DNM1L: variants seen among roughly 807,000 people sequenced by gnomAD.
The protein encoded by DNM1L is dynamin 1L, also known as dynamin-1-like protein.
In DNM1L, 33 loss-of-function variants were observed where a neutral mutation model predicts 92.8. The ratio of observed to expected loss-of-function variants is 0.36; its 90% confidence interval spans 0.27 to 0.48. The LOEUF is 0.48. Among genes scored for constraint, DNM1L ranks in the 20% least tolerant of loss-of-function variants. The pLI is 0.99. For missense variants in DNM1L, 485 were observed against 888.8 expected, an observed-to-expected ratio of 0.55 and a Z score of 5.78; for synonymous variants, 284 against 305.0, an observed-to-expected ratio of 0.93 and a Z score of 0.72.
At chr12:32,698,251 C>G (rs886074678) in intron 1 of DNM1L, among the ~76,000 whole-genome samples, 9 of 152,180 alleles carry the variant, frequency 5.9e-5, no homozygotes, top group African/African-American at 2.2e-4. Flanking sequence ...GAATGAGCCC[C>G]TATGTCGTCT....
chr12:32,699,427 C>CT (rs1952607032), intron 1 of DNM1L, among the ~76,000 whole-genome samples: 1 of 151,970 alleles, frequency 6.6e-6, no homozygotes, highest in South Asian at 2.1e-4. Context: ...AAGCAGATCA[C>CT]TAAAGGAGAA....
At chr12:32,717,864 T>C (rs1449699079) in intron 6 of DNM1L, among the ~76,000 whole-genome samples, 1 of 113,066 alleles carries the variant, frequency 8.8e-6, no homozygotes, top group South Asian at 2.4e-4. Context: ...ATATACTATA[T>C]ATAGTATATA....
chr12:32,693,918 C>T (rs555759859), intron 1 of DNM1L, among the ~76,000 whole-genome samples: 1 of 152,266 alleles, frequency 6.6e-6, no homozygotes, highest in African/African-American at 2.4e-5. Context: ...GGGTTACAGG[C>T]ATGTGCCACC....
chr12:32,744,452 G>C lies in DNM1L; in HGVS notation c.*1042G>C, dbSNP rs1287898774. The C allele has an allele frequency of 1.8e-5, 3 of 165,780 alleles. No individual in the cohort carries two copies. Among genetic ancestry groups the C allele is most frequent in the Non-Finnish European group, 2.6e-5 (2 of 77,770 alleles). 10.3% of individuals were successfully genotyped at this position (165,780 alleles called of 1,614,324 possible). A position where few individuals can be genotyped will look rare whatever the true frequency, so the allele number is the denominator to read the frequency against. ...CCCAAGGCTGGGCGTGGTGGCACAC[G>C]CCTGTAATCCCAGCACTTTGGGAGG... On this transcript the variant is annotated 3_prime_UTR_variant, in exon 20 of 20. Transcript: ENST00000549701.
rs771196253 is a variant in DNM1L at position 32,731,919 on chromosome 12, A to G, written c.1422A>G (p.Lys474=). 2.5e-6 allele frequency: 4 copies of G among 1,613,556 alleles called. No homozygotes were observed. The highest frequency in any genetic ancestry group is 3.4e-6 in the Non-Finnish European group (4 of 1,179,638). Residue 474 remains lysine, a synonymous_variant, in exon 12 of 20, where the codon AAA becomes AAG. Transcript: ENST00000549701. The surrounding 1 kb of genome is among the most constrained non-coding windows in gnomAD (Gnocchi z 5.1). ...IVEVVTCLLR[K]RLPVTNEMVH... is the part of the protein sequence containing the mutation. The stretch of plus-strand genomic sequence containing the variant: ...AAGTGGTGACTTGTCTTCTTCGTAA[A>G]AGGTTGCCTGTTACAAATGAAATGG...
chr12:32,718,543 G>A (rs375323606), intron 6 of DNM1L, 100 bp from the exon 7 acceptor site: 9 of 1,457,072 alleles, frequency 6.2e-6, no homozygotes, highest in African/African-American at 1.4e-5. Context: ...TACTAAGTGG[G>A]ATTGTAGATG....
At chr12:32,741,655 A>G (rs973558132) in intron 18 of DNM1L, among the ~76,000 whole-genome samples, 1 of 152,228 alleles carries the variant, frequency 6.6e-6, no homozygotes, top group African/African-American at 2.4e-5. Context: ...ATAACATTTT[A>G]GTCAACAGAC....
chr12:32,742,884 G>C, intron 19 of DNM1L, 136 bp downstream of exon 19: 53 of 387,278 alleles, frequency 1.4e-4, no homozygotes, highest in Non-Finnish European at 2.2e-4. Context: ...TACTTGATAA[G>C]AATCTTTTTT....
At chr12:32,680,002 G>C (rs765342682) in intron 1 of DNM1L, 12 of 985,504 alleles carry the variant, frequency 1.2e-5, no homozygotes, top group Non-Finnish European at 1.3e-5. Flanking sequence ...GTGAGCGCCA[G>C]TGTTTTCCTG....
chr12:32,739,582 A>C (rs889947956), intron 16 of DNM1L, among the ~76,000 whole-genome samples: 16 of 152,236 alleles, frequency 1.1e-4, no homozygotes, highest in Admixed American at 1.3e-4. Context: ...TGACTATTAG[A>C]AATGTAAATT....
intron 9 of DNM1L, among the ~76,000 whole-genome samples, chr12:32,723,678 A>C: frequency 6.9e-6 from 1 of 145,816 alleles, no homozygotes; most frequent in East Asian, 2.1e-4. Context: ...TGGGCAACAG[A>C]GCAAGACTCT....
intron 1 of DNM1L, among the ~76,000 whole-genome samples, chr12:32,699,529 G>C (rs868096565): frequency 6.6e-6 from 1 of 152,068 alleles, no homozygotes; most frequent in African/African-American, 2.4e-5. Flanking sequence ...TATCAAAGTA[G>C]CAAAGATTCA....
chr12:32,723,764 C>T (rs1177379904), intron 9 of DNM1L, among the ~76,000 whole-genome samples: 8 of 144,134 alleles, frequency 5.6e-5, no homozygotes, highest in East Asian at 2.0e-4. Flanking sequence ...AGATGAACTA[C>T]GGCTACCAAA....
chr12:32,723,331 G>A (rs1030973259), intron 9 of DNM1L, among the ~76,000 whole-genome samples: 19 of 151,988 alleles, frequency 1.3e-4, no homozygotes, highest in Non-Finnish European at 2.4e-4. Flanking sequence ...AGGTATTATC[G>A]ACACCTTCAC....
At chr12:32,683,575 T>C (rs984491925) in intron 1 of DNM1L, among the ~76,000 whole-genome samples, 1 of 150,700 alleles carries the variant, frequency 6.6e-6, no homozygotes, top group Non-Finnish European at 1.5e-5. Context: ...GATGGAGTCT[T>C]GCTCTGTTGT....
Position 32,740,200 on chromosome 12 carries a change from C to T in DNM1L, c.1844C>T (p.Ala615Val). The change falls in exon 17 of 20, where the codon GCC becomes GTC. Residue 615 changes from alanine (A) to valine (V), a missense_variant. By Grantham distance (64) the Ala-to-Val change is moderately conservative (BLOSUM62 0). Transcript: ENST00000549701. ...EKSKPIPIMP[A>V]SPQKGHAVNL... The stretch of plus-strand genomic sequence containing the variant: ...TCAAAACCCATTCCAATTATGCCAG[C>T]CAGTCCACAAAAAGGTCATGCCGTG... The T allele has an allele frequency of 2.5e-6, 4 of 1,614,082 alleles. No homozygotes were observed. Among genetic ancestry groups the T allele is most frequent in the Non-Finnish European group, 3.4e-6 (4 of 1,180,010 alleles).
rs748215133 is a variant in DNM1L at position 32,737,154 on chromosome 12, G to A, written c.1589G>A (p.Arg530Gln). 21 of 1,613,632 alleles carry A rather than the reference G, an allele frequency of 1.3e-5. No individual in the cohort carries two copies. In the Admixed American group the frequency reaches 1.7e-4, roughly 13 times the overall value. Residue 530 changes from arginine to glutamine, a missense_variant, in exon 14 of 20, where the codon CGA (arginine) becomes CAA (glutamine). Coordinates refer to ENST00000549701, the MANE Select transcript of DNM1L (RefSeq NM_012062.5). ...AGAGAATTACCTTCAGCTGTATCAC[G>A]AGACAAGGTAAAAAAATGTTTTTAA... ...LARELPSAVSRDKSSKVPSAL... is the reference protein window; with the variant it reads ...LARELPSAVSQDKSSKVPSAL...
At chr12:32,685,607 C>T (rs956937175) in intron 1 of DNM1L, among the ~76,000 whole-genome samples, 8 of 151,958 alleles carry the variant, frequency 5.3e-5, no homozygotes, top group Non-Finnish European at 1.2e-4. Context: ...AAATGATCCA[C>T]CCACCTCGGC....
At chr12:32,724,664 A>T (rs138015028) in intron 9 of DNM1L, among the ~76,000 whole-genome samples, 28,793 of 142,042 alleles carry the variant, frequency 0.2, 3,790 homozygotes, top group African/African-American at 0.37. Flanking sequence ...ATATATATAT[A>T]AAAAATAATA....
Sources: allele counts gnomAD v4.1 joint callset (sites outside exome capture counted in the v4.1 genomes callset), GRCh38; gene constraint gnomAD v4.1.1; non-coding constraint Gnocchi (gnomAD v3.1); transcripts MANE v1.5; gene names NCBI Gene and HGNC (gene_info 2026-07-23, HGNC 2026-07-21).